CPQ: variants seen among roughly 807,000 people sequenced by gnomAD.
CPQ encodes the protein Ser-Met dipeptidase.
A neutral mutation model predicts 45.7 loss-of-function variants in CPQ; 37 were observed. The ratio of observed to expected loss-of-function variants is 0.81; its 90% CI spans 0.62 to 1.07. The LOEUF (loss-of-function observed/expected upper bound fraction) is 1.07. Ranked by LOEUF, CPQ falls within the 50% of genes least tolerant of loss-of-function variation. The pLI is 0.00. For synonymous variants in CPQ, 186 were observed against 205.8 expected (o/e 0.90, Z 0.82); for missense variants, 537 against 572.9 (o/e 0.94, Z 0.64).
intron 6 of CPQ, among the ~76,000 whole-genome samples, chr8:97,062,864 C>T (rs1003085766): frequency 1.3e-5 from 2 of 152,166 alleles, no homozygotes; most frequent in African/African-American, 4.8e-5. Flanking sequence ...TTCCTTTATC[C>T]AGTCTATCAC....
At chr8:96,899,866 C>T (rs1055395980) in intron 4 of CPQ, among the ~76,000 whole-genome samples, 4 of 152,114 alleles carry the variant, frequency 2.6e-5, no homozygotes, top group Non-Finnish European at 5.9e-5. Context: ...AACAAGGTAT[C>T]TGGGTAAGAG....
At chr8:96,883,754 T>G (rs1477851976) in intron 4 of CPQ, among the ~76,000 whole-genome samples, 1 of 152,162 alleles carries the variant, frequency 6.6e-6, no homozygotes, top group Non-Finnish European at 1.5e-5. Context: ...AAGACTGCTT[T>G]GATAACATTC....
chr8:96,811,282 A>T (rs1216133685), intron 2 of CPQ, among the ~76,000 whole-genome samples: 1 of 152,168 alleles, frequency 6.6e-6, no homozygotes, highest in Non-Finnish European at 1.5e-5. Context: ...TATCTTGATT[A>T]TAGAAGAATG....
intron 1 of CPQ, among the ~76,000 whole-genome samples, chr8:96,723,686 A>G (rs1809796514): frequency 6.6e-6 from 1 of 152,042 alleles, no homozygotes; most frequent in African/African-American, 2.4e-5. Context: ...AGATTTTAGA[A>G]CTCAAAGGGA....
At chr8:96,737,255 A>ACAC (rs201563707) in intron 1 of CPQ, among the ~76,000 whole-genome samples, 8 of 125,626 alleles carry the variant, frequency 6.4e-5, no homozygotes, top group African/African-American at 3.1e-4. Context: ...ACACACACAC[A>ACAC]AAAAAAAACT....
At chr8:96,789,669 G>A (rs1344538059) in intron 2 of CPQ, among the ~76,000 whole-genome samples, 1 of 152,194 alleles carries the variant, frequency 6.6e-6, no homozygotes. Flanking sequence ...CTGAGAGGGT[G>A]CGGCCTTGAG....
chr8:96,673,707 A>G (rs1332274980), intron 1 of CPQ, among the ~76,000 whole-genome samples: 1 of 152,154 alleles, frequency 6.6e-6, no homozygotes, highest in Non-Finnish European at 1.5e-5. Flanking sequence ...CTTGTGGGAC[A>G]TCCATAAGAC....
chr8:96,984,850 T>C (rs1813981468), intron 5 of CPQ, among the ~76,000 whole-genome samples: 1 of 152,194 alleles, frequency 6.6e-6, no homozygotes, highest in African/African-American at 2.4e-5. Flanking sequence ...TCAGTGAATT[T>C]CAGCTGTTAT....
At chr8:96,836,170 T>A (rs950221182) in intron 3 of CPQ, among the ~76,000 whole-genome samples, 1 of 152,144 alleles carries the variant, frequency 6.6e-6, no homozygotes, top group Non-Finnish European at 1.5e-5. Flanking sequence ...TTTTAATATC[T>A]ATTGGAAAGG....
chr8:96,699,262 T>G (rs929169009), intron 1 of CPQ, among the ~76,000 whole-genome samples: 19 of 152,088 alleles, frequency 1.2e-4, no homozygotes, highest in Admixed American at 7.2e-4. Flanking sequence ...TCCACTTATT[T>G]GTGGGAGTTA....
At chr8:96,962,166 C>T (rs994638277) in intron 4 of CPQ, among the ~76,000 whole-genome samples, 1 of 152,202 alleles carries the variant, frequency 6.6e-6, no homozygotes, top group Non-Finnish European at 1.5e-5. Context: ...CCCTCATTCC[C>T]AAGGTAGTCA....
chr8:96,706,486 TAC>T (rs1477726306), intron 1 of CPQ, among the ~76,000 whole-genome samples: 2 of 152,150 alleles, frequency 1.3e-5, no homozygotes, highest in Non-Finnish European at 2.9e-5. Context: ...GGTGGGGAGA[TAC>T]TGCTAAGTTG....
intron 1 of CPQ, among the ~76,000 whole-genome samples, chr8:96,777,750 ATATATATATATTTTTTTTTTTTTTTTTT>A (rs1244162088): frequency 9.7e-4 from 11 of 11,370 alleles, no homozygotes; most frequent in African/African-American, 4.3e-3. Flanking sequence ...ATATATATAT[ATATATATATATTTTTTTTTTTTTTTTTT>A]TTTTTTTTTT....
At chr8:97,035,237 A>T (rs1809978177) in intron 6 of CPQ, among the ~76,000 whole-genome samples, 3 of 152,312 alleles carry the variant, frequency 2.0e-5, no homozygotes, top group Non-Finnish European at 4.4e-5. Flanking sequence ...AATATACCAC[A>T]GTCTCTTTAT....
intron 4 of CPQ, among the ~76,000 whole-genome samples, chr8:96,963,534 G>A (rs1028663744): frequency 6.6e-6 from 1 of 151,998 alleles, no homozygotes; most frequent in Non-Finnish European, 1.5e-5. Context: ...CAGTGCAAAG[G>A]GTCACCCTAA....
chr8:96,718,621 G>A (rs929761637), intron 1 of CPQ, among the ~76,000 whole-genome samples: 2 of 152,274 alleles, frequency 1.3e-5, no homozygotes, highest in East Asian at 3.9e-4. Context: ...CGTGGAAGGG[G>A]ACCCAAGTGG....
chr8:96,668,605 G>C (rs1304295488), intron 1 of CPQ, among the ~76,000 whole-genome samples: 1 of 152,172 alleles, frequency 6.6e-6, no homozygotes, highest in Non-Finnish European at 1.5e-5. Context: ...AAATTAACGT[G>C]TTGGAGAGTT....
chr8:96,893,924 A>G (rs1586441314), intron 4 of CPQ, among the ~76,000 whole-genome samples: 1 of 152,142 alleles, frequency 6.6e-6, no homozygotes, highest in Non-Finnish European at 1.5e-5. Flanking sequence ...TGTGTACTGT[A>G]CTTAGTGTCT....
chr8:96,912,613 T>C (rs1163330323), intron 4 of CPQ, among the ~76,000 whole-genome samples: 1 of 152,190 alleles, frequency 6.6e-6, no homozygotes, highest in East Asian at 1.9e-4. Flanking sequence ...TGACCTTATA[T>C]AGGTTTTCTT....
Sources: gnomAD v4.1 joint callset for allele counts (sites outside exome capture counted in the v4.1 genomes callset) on GRCh38, gnomAD v4.1.1 for gene constraint, MANE v1.5 for transcripts, NCBI Gene and HGNC (gene_info 2026-07-23, HGNC 2026-07-21) for gene names.